PLEKHA2: variants seen among roughly 807,000 people sequenced by gnomAD.
The protein encoded by PLEKHA2 is pleckstrin homology domain-containing family A member 2.
A neutral mutation model predicts 53.2 loss-of-function variants in PLEKHA2; 28 were observed. That is an observed-to-expected ratio of 0.53 (90% CI 0.39 to 0.72). PLEKHA2 has a LOEUF of 0.72. Among genes scored for constraint, PLEKHA2 ranks in the 30% least tolerant of loss-of-function variants. The pLI is 0.00. For synonymous variants in PLEKHA2, 193 were observed against 196.4 expected (o/e 0.98, Z 0.14); for missense variants, 426 against 537.9 (o/e 0.79, Z 2.06).
chr8:38,963,403 A>AT (rs1223566841), intron 10 of PLEKHA2, among the ~76,000 whole-genome samples: 2 of 151,990 alleles, frequency 1.3e-5, no homozygotes, highest in Non-Finnish European at 2.9e-5. Context: ...AGCTATATAT[A>AT]TTTTTTTAAA....
At chr8:38,910,930 T>G (rs1833944852) in intron 1 of PLEKHA2, among the ~76,000 whole-genome samples, 1 of 152,204 alleles carries the variant, frequency 6.6e-6, no homozygotes, top group Non-Finnish European at 1.5e-5. Flanking sequence ...ATTATGTGGA[T>G]AGGGACATGA....
intron 1 of PLEKHA2, 25 bp downstream of exon 1, chr8:38,901,470 C>T (rs1338451681): frequency 6.6e-6 from 1 of 151,264 alleles, no homozygotes; most frequent in Non-Finnish European, 1.5e-5. Flanking sequence ...CTCGCGGGCT[C>T]GGGAGTGGAG....
At chr8:38,955,334 G>T (rs1177082803) in intron 9 of PLEKHA2, among the ~76,000 whole-genome samples, 1 of 152,180 alleles carries the variant, frequency 6.6e-6, no homozygotes, top group African/African-American at 2.4e-5. Flanking sequence ...AATTTGAAAG[G>T]CTAAGACATT....
chr8:38,917,796 C>T (rs147612772), intron 1 of PLEKHA2, 111 bp from the exon 2 acceptor site: 16 of 1,259,704 alleles, frequency 1.3e-5, no homozygotes, highest in South Asian at 3.1e-5. Context: ...GGTGCCCCCA[C>T]GGAAGGAAGC....
chr8:38,954,856 A>T (rs2129422937), intron 9 of PLEKHA2, among the ~76,000 whole-genome samples: 1 of 152,108 alleles, frequency 6.6e-6, no homozygotes, highest in South Asian at 2.1e-4. Flanking sequence ...AACATAGCGA[A>T]ACCCCTTCTT....
intron 3 of PLEKHA2, among the ~76,000 whole-genome samples, chr8:38,941,873 C>A (rs1178077221): frequency 2.0e-5 from 3 of 152,198 alleles, no homozygotes; most frequent in Non-Finnish European, 4.4e-5. Context: ...CTCTGCCTGA[C>A]CTTCTTTTGA....
At chr8:38,925,795 C>T (rs1175736968) in intron 2 of PLEKHA2, among the ~76,000 whole-genome samples, 1 of 152,158 alleles carries the variant, frequency 6.6e-6, no homozygotes, top group Non-Finnish European at 1.5e-5. Flanking sequence ...ATGGACAATA[C>T]TGTTGTCTTA....
intron 1 of PLEKHA2, among the ~76,000 whole-genome samples, chr8:38,910,164 C>G (rs1833935412): frequency 6.6e-6 from 1 of 152,090 alleles, no homozygotes. Context: ...GCCATGTTGC[C>G]CAGGCTGGTC....
chr8:38,921,620 C>G (rs907572339), intron 2 of PLEKHA2, among the ~76,000 whole-genome samples: 1 of 152,246 alleles, frequency 6.6e-6, no homozygotes, highest in Non-Finnish European at 1.5e-5. Context: ...GCCTCTGCAG[C>G]AGGTTCCCCT....
intron 2 of PLEKHA2, among the ~76,000 whole-genome samples, chr8:38,920,576 T>G (rs1371627908): frequency 1.5e-5 from 2 of 131,012 alleles, no homozygotes; most frequent in Non-Finnish European, 3.3e-5. Context: ...CACCTGGCCG[T>G]TTTTTTTTTT....
At chr8:38,906,181 T>C (rs1833870529) in intron 1 of PLEKHA2, among the ~76,000 whole-genome samples, 1 of 152,216 alleles carries the variant, frequency 6.6e-6, no homozygotes, top group Admixed American at 6.5e-5. Flanking sequence ...TTATAGGCTG[T>C]AAAGCCAGTA....
chr8:38,956,050 C>T (rs1316527244), intron 9 of PLEKHA2, among the ~76,000 whole-genome samples: 1 of 152,150 alleles, frequency 6.6e-6, no homozygotes, highest in African/African-American at 2.4e-5. Flanking sequence ...AAGTGATTTG[C>T]CTGCCTTGGC....
At chr8:38,965,258 G>A (rs1013001995) in intron 10 of PLEKHA2, among the ~76,000 whole-genome samples, 3 of 152,176 alleles carry the variant, frequency 2.0e-5, no homozygotes, top group African/African-American at 7.2e-5. Flanking sequence ...TGGGTTTCCT[G>A]TGTGACAGTT....
intron 5 of PLEKHA2, among the ~76,000 whole-genome samples, chr8:38,947,726 C>T (rs1240991981): frequency 6.6e-6 from 1 of 152,158 alleles, no homozygotes; most frequent in South Asian, 2.1e-4. Flanking sequence ...CAGTGTTCTT[C>T]GGGATTTTGA....
At chr8:38,936,993 A>G (rs1035462731) in intron 3 of PLEKHA2, among the ~76,000 whole-genome samples, 3 of 152,164 alleles carry the variant, frequency 2.0e-5, no homozygotes, top group African/African-American at 4.8e-5. Context: ...CCAAGGGTCT[A>G]TCGGCTCCAT....
chr8:38,961,641 C>T (rs1228369938), intron 10 of PLEKHA2, among the ~76,000 whole-genome samples: 3 of 152,124 alleles, frequency 2.0e-5, no homozygotes, highest in African/African-American at 7.2e-5. Flanking sequence ...TTTTACCCAC[C>T]ATGCCAAAGT....
Position 38,969,639 on chromosome 8 carries a change from GTTCACGCC to G in PLEKHA2, c.1136_1143del (p.Phe379SerfsTer35), listed in dbSNP as rs1272353070. 6.2e-7 allele frequency: 1 copy of G among 1,601,802 alleles called. No individual in the cohort carries two copies. Among genetic ancestry groups the G allele is most frequent in the Non-Finnish European group, 8.5e-7 (1 of 1,174,328 alleles). ...CTGGAGACACTTCAGAGGACTCCTT[GTTCACGCC>G]TCGTCCTGGGGAGGGCAGCGCTCCT... On this transcript the variant is annotated frameshift_variant, in exon 12 of 12. Transcript: ENST00000617275. LOFTEE classifies it high-confidence loss of function.
At chr8:38,957,669 G>A (rs533889940) in intron 10 of PLEKHA2, among the ~76,000 whole-genome samples, 1 of 152,308 alleles carries the variant, frequency 6.6e-6, no homozygotes, top group South Asian at 2.1e-4. Context: ...CAGAGAAAAG[G>A]AGAACCGGTC....
At chr8:38,938,797 G>C (rs1230035694) in intron 3 of PLEKHA2, among the ~76,000 whole-genome samples, 1 of 152,164 alleles carries the variant, frequency 6.6e-6, no homozygotes, top group Admixed American at 6.5e-5. Flanking sequence ...GGAGTCAGAC[G>C]GTCGGGTGAC....
Sources: gnomAD v4.1 joint callset for allele counts (sites outside exome capture counted in the v4.1 genomes callset) on GRCh38, gnomAD v4.1.1 for gene constraint, MANE v1.5 for transcripts, NCBI Gene and HGNC (gene_info 2026-07-23, HGNC 2026-07-21) for gene names.